Variants in CA8 observed in about 807,000 individuals in gnomAD.
CA8 encodes the protein carbonic anhydrase-related protein.
CA8 carries 22 observed loss-of-function variants against 41.4 expected under a neutral mutation model. That is an observed-to-expected ratio of 0.53 (90% CI 0.38 to 0.76). The LOEUF is 0.76. Among genes scored for constraint, CA8 ranks in the 30% least tolerant of loss-of-function variants. The pLI is 0.00. For missense variants in CA8, 270 were observed against 352.8 expected (o/e 0.77, Z 1.88); for synonymous variants, 121 against 130.6 (o/e 0.93, Z 0.50).
At chr8:60,265,592 C>T in intron 3 of CA8, 1 of 301,778 alleles carries the variant, frequency 3.3e-6, no homozygotes, top group Non-Finnish European at 6.3e-6. Context: ...TGCTTGTCTT[C>T]AGCTCGTCAC....
chr8:60,226,894 G>T lies in CA8; in HGVS notation c.555C>A (p.Ile185=). 1 of 1,596,276 alleles carries T rather than the reference G, an allele frequency of 6.3e-7. No individual in the cohort carries two copies. The highest frequency in any genetic ancestry group is 8.6e-7 in the Non-Finnish European group (1 of 1,164,076). ...TTACCTTATACTGAATATCTTGGAG[G>T]ATTTCAGTCACAGCCTTCAAGCCAA... ...EHVGLKAVTE[I]LQDIQYKGKS... The change falls in exon 5 of 9, where the codon ATC becomes ATA. Residue 185 remains isoleucine (I), a synonymous_variant. Transcript: ENST00000317995.
At chr8:60,215,356 T>TCAC (rs1554576868) in intron 7 of CA8, among the ~76,000 whole-genome samples, 2 of 94,612 alleles carry the variant, frequency 2.1e-5, no homozygotes, top group Admixed American at 2.4e-4. Context: ...TGTGTGTGTG[T>TCAC]ATACACACAC....
intron 8 of CA8, among the ~76,000 whole-genome samples, chr8:60,197,698 C>T (rs1378954535): frequency 6.6e-6 from 1 of 152,166 alleles, no homozygotes; most frequent in Non-Finnish European, 1.5e-5. Context: ...GAGACGTTTG[C>T]TGCTGCTCCA....
At chr8:60,247,330 C>T (rs1808282989) in intron 3 of CA8, among the ~76,000 whole-genome samples, 1 of 152,098 alleles carries the variant, frequency 6.6e-6, no homozygotes, top group African/African-American at 2.4e-5. Flanking sequence ...TGGTGGTTTG[C>T]TGCACCTATC....
chr8:60,239,260 T>C (rs35323112), intron 3 of CA8, among the ~76,000 whole-genome samples: 23 of 152,002 alleles, frequency 1.5e-4, no homozygotes, highest in African/African-American at 3.4e-4. Flanking sequence ...TGAGCCACAA[T>C]TGAATTCAGT....
chr8:60,203,538 T>C (rs1585847129), intron 8 of CA8, among the ~76,000 whole-genome samples: 3 of 152,166 alleles, frequency 2.0e-5, no homozygotes, highest in African/African-American at 4.8e-5. Context: ...TTTGATTCTA[T>C]TTTCCCTCTA....
intron 4 of CA8, among the ~76,000 whole-genome samples, chr8:60,229,422 A>G (rs1807563148): frequency 6.6e-6 from 1 of 152,056 alleles, no homozygotes; most frequent in South Asian, 2.1e-4. Flanking sequence ...TGCTCAAGCC[A>G]TCCTCCCGAG....
At chr8:60,279,986 T>A in intron 1 of CA8, 106 bp from the exon 2 acceptor site, 1 of 819,262 alleles carries the variant, frequency 1.2e-6, no homozygotes, top group Non-Finnish European at 1.9e-6. Context: ...ATGAAGAGAG[T>A]AATGATACCA....
At chr8:60,211,755 A>G (rs1806842737) in intron 7 of CA8, among the ~76,000 whole-genome samples, 1 of 152,188 alleles carries the variant, frequency 6.6e-6, no homozygotes, top group Non-Finnish European at 1.5e-5. Context: ...CAACATCAAC[A>G]GAGATGGAGG....
At chr8:60,221,176 T>C (rs1416138102) in intron 7 of CA8, among the ~76,000 whole-genome samples, 7 of 152,226 alleles carry the variant, frequency 4.6e-5, no homozygotes, top group Non-Finnish European at 8.8e-5. Context: ...TTCTAACTTC[T>C]TTCCTGTCCT....
chr8:60,264,334 CTGAGA>C (rs1330076515), intron 3 of CA8, among the ~76,000 whole-genome samples: 1 of 152,206 alleles, frequency 6.6e-6, no homozygotes, highest in Non-Finnish European at 1.5e-5. Context: ...TCTTTGGGGG[CTGAGA>C]TGAAATGATG....
chr8:60,198,987 G>A (rs992072856), intron 8 of CA8, among the ~76,000 whole-genome samples: 70 of 151,846 alleles, frequency 4.6e-4, no homozygotes, highest in African/African-American at 1.6e-3. Flanking sequence ...ACTAAAATCC[G>A]AATGAACATT....
intron 2 of CA8, 91 bp from the exon 3 acceptor site, chr8:60,266,140 C>T (rs1312551835): frequency 8.5e-7 from 1 of 1,171,710 alleles, no homozygotes. Flanking sequence ...CACCAAAATG[C>T]TCTCATGGGC....
intron 7 of CA8, among the ~76,000 whole-genome samples, chr8:60,221,446 T>C (rs574834878): frequency 6.6e-6 from 1 of 152,206 alleles, no homozygotes; most frequent in East Asian, 1.9e-4. Flanking sequence ...GTGCATTTAG[T>C]GGTACTAAGA....
chr8:60,215,695 A>C (rs1806996101), intron 7 of CA8, among the ~76,000 whole-genome samples: 1 of 152,170 alleles, frequency 6.6e-6, no homozygotes, highest in Admixed American at 6.5e-5. Context: ...AATATGAAAA[A>C]TTCAGCTAAG....
intron 2 of CA8, among the ~76,000 whole-genome samples, chr8:60,278,559 C>T (rs1038386673): frequency 4.6e-5 from 7 of 152,132 alleles, no homozygotes; most frequent in African/African-American, 1.7e-4. Context: ...CCCATCAAAG[C>T]TAAACCCACA....
At chr8:60,262,728 A>G (rs1040931338) in intron 3 of CA8, among the ~76,000 whole-genome samples, 1 of 152,232 alleles carries the variant, frequency 6.6e-6, no homozygotes, top group African/African-American at 2.4e-5. Flanking sequence ...TTCTCTTGCT[A>G]AGGCACTGTC....
At chr8:60,227,513 A>G (rs1317958870) in intron 4 of CA8, among the ~76,000 whole-genome samples, 1 of 146,884 alleles carries the variant, frequency 6.8e-6, no homozygotes, top group Non-Finnish European at 1.5e-5. Flanking sequence ...TATATGTAGT[A>G]TATCAAATTA....
At chr8:60,204,180 A>AT (rs1449191712) in intron 8 of CA8, among the ~76,000 whole-genome samples, 11 of 152,206 alleles carry the variant, frequency 7.2e-5, no homozygotes, top group African/African-American at 2.7e-4. Context: ...CTTGAAAGCC[A>AT]TTTTTTAATG....
Sources: gnomAD v4.1 joint callset for allele counts (sites outside exome capture counted in the v4.1 genomes callset) on GRCh38, gnomAD v4.1.1 for gene constraint, MANE v1.5 for transcripts, NCBI Gene and HGNC (gene_info 2026-07-23, HGNC 2026-07-21) for gene names.